The following DRD3 variants were observed in gnomAD, a reference collection of about 807,000 sequenced individuals.
DRD3 encodes the protein D(3) dopamine receptor.
Under a neutral mutation model 36.3 loss-of-function variants are expected in DRD3, and 19 were observed. The observed-to-expected ratio is 0.52, with a 90% confidence interval of 0.36 to 0.77. The LOEUF is 0.77. Among genes scored for constraint, DRD3 ranks in the 30% least tolerant of loss-of-function variants. The pLI, the probability that DRD3 is intolerant of heterozygous loss-of-function variation, is 0.00. For missense variants in DRD3, 465 were observed against 505.3 expected, an observed-to-expected ratio of 0.92 and a Z score of 0.77; for synonymous variants, 195 against 203.7, an observed-to-expected ratio of 0.96 and a Z score of 0.36.
chr3:114,136,933 T>C (rs1281617994), intron 5 of DRD3, among the ~76,000 whole-genome samples: 2 of 152,210 alleles, frequency 1.3e-5, no homozygotes, highest in Non-Finnish European at 2.9e-5. Context: ...GCTCTGTCCA[T>C]GTGTGTTCCC....
At chr3:114,148,790 G>T (rs926332469) in intron 3 of DRD3, among the ~76,000 whole-genome samples, 8 of 152,120 alleles carry the variant, frequency 5.3e-5, no homozygotes, top group African/African-American at 1.7e-4. Flanking sequence ...TCAACTCACT[G>T]CAACCTCTGT....
chr3:114,131,106 AC>A lies in DRD3; in HGVS notation c.1006+11del. On this transcript the variant is annotated intron_variant, in intron 6 of 6. Coordinates refer to ENST00000383673, the MANE Select transcript of DRD3 (RefSeq NM_000796.6). ...ACCCAACCCAACACAGCTCAAGCCA[AC>A]CCAAACTTACCAAGCACAATGGCCA... 6.2e-7 allele frequency: 1 copy of A among 1,611,348 alleles called. No individual in the cohort carries two copies. The highest frequency in any genetic ancestry group is 1.7e-4 in the Middle Eastern group (1 of 5,994).
chr3:114,156,912 TTTCCTTCC>T (rs200935636), intron 3 of DRD3, among the ~76,000 whole-genome samples: 3 of 147,826 alleles, frequency 2.0e-5, no homozygotes, highest in Admixed American at 1.3e-4. Context: ...TCCTTCCTTC[TTTCCTTCC>T]TTCCTTCCTT....
Position 114,171,966 on chromosome 3 carries a change from G to A in DRD3, c.27C>T (p.Gly9=), listed in dbSNP as rs147452721. The change falls in exon 2 of 7, where the codon GGC becomes GGT. Residue 9 remains glycine (G), a synonymous_variant. Transcript: ENST00000383673. Reference sequence around the variant, plus strand: ...CTGCCCCACAGGTGTAGTTCAGGTGGCCACTCAGCTGGCTCAGAGATGCCA... The same window carrying A: ...CTGCCCCACAGGTGTAGTTCAGGTGACCACTCAGCTGGCTCAGAGATGCCA... MASLSQLS[G]HLNYTCGAEN... is the part of the protein sequence containing the mutation. 1.3e-6 allele frequency: 2 copies of A among 1,525,886 alleles called. No individual in the cohort carries two copies. The highest frequency in any genetic ancestry group is 2.0e-5 in the Admixed American group (1 of 49,316). The allele number at this position is 1,525,886 out of a possible 1,614,324, so 94.5% of individuals were successfully genotyped here. A position where few individuals can be genotyped will look rare whatever the true frequency, so the allele number is the denominator to read the frequency against.
In DRD3 at chr3:114,147,763, T is replaced by A. The variant is rs572455957; in HGVS notation, c.384-206A>T. The stretch of plus-strand genomic sequence containing the variant: ...GCTTCCTGAGTATCTAGGATATGCC[T>A]GTGCCGCCACCACGCCTGCCTAATT... On this transcript the variant is annotated intron_variant, in intron 3 of 6. Transcript: ENST00000383673. Among the ~76,000 whole-genome samples the A allele has an allele frequency of 3.3e-5, 5 of 152,234 alleles. No individual in the cohort carries two copies. The East Asian group carries it at 9.6e-4, about 29-fold the overall frequency.
chr3:114,156,197 A>T (rs1235896025), intron 3 of DRD3, among the ~76,000 whole-genome samples: 2 of 152,168 alleles, frequency 1.3e-5, no homozygotes, highest in African/African-American at 4.8e-5. Flanking sequence ...TTTGACTCCA[A>T]GTTAGTAATC....
chr3:114,139,608 G>A lies in DRD3; in HGVS notation c.615C>T (p.Val205=), dbSNP rs754091902. The stretch of plus-strand genomic sequence containing the variant: ...CCACATAGATTCTGGCATAGACAAG[G>A]ACAGTCACTCCAAAGGGCAGGTAGA... The part of the protein sequence containing the change: ...VSFYLPFGVT[V]LVYARIYVVL... Residue 205 remains valine, a synonymous_variant, in exon 5 of 7, where the codon GTC becomes GTT. Transcript: ENST00000383673. 1 of 1,614,152 alleles carries A rather than the reference G, an allele frequency of 6.2e-7. No homozygotes were observed. Among genetic ancestry groups the A allele is most frequent in the Admixed American group, 1.7e-5 (1 of 60,020 alleles).
intron 1 of DRD3, among the ~76,000 whole-genome samples, chr3:114,189,765 G>C (rs950733368): frequency 6.6e-6 from 1 of 152,168 alleles, no homozygotes; most frequent in African/African-American, 2.4e-5. Flanking sequence ...TTGCCCCGAA[G>C]GGCTTTGAGT....
intron 5 of DRD3, among the ~76,000 whole-genome samples, chr3:114,139,284 T>C (rs1242390760): frequency 6.6e-6 from 1 of 152,222 alleles, no homozygotes; most frequent in African/African-American, 2.4e-5. Flanking sequence ...TCCAATCACT[T>C]TGCCAGGTAA....
At chr3:114,158,846 C>T (rs943526282) in intron 3 of DRD3, among the ~76,000 whole-genome samples, 11 of 151,946 alleles carry the variant, frequency 7.2e-5, no homozygotes, top group African/African-American at 1.5e-4. Flanking sequence ...GGAGAAGAAG[C>T]GGAATGGAAA....
chr3:114,167,967 G>A (rs1430083224), intron 2 of DRD3, among the ~76,000 whole-genome samples: 2 of 152,144 alleles, frequency 1.3e-5, no homozygotes, highest in Non-Finnish European at 2.9e-5. Context: ...TCAGTATATG[G>A]AAAAAGGCAG....
At chr3:114,169,397 C>T (rs927812996) in intron 2 of DRD3, among the ~76,000 whole-genome samples, 10 of 149,688 alleles carry the variant, frequency 6.7e-5, no homozygotes, top group Non-Finnish European at 1.5e-4. Flanking sequence ...AAAAAGAGGT[C>T]CTAAAGCCAG....
chr3:114,145,681 A>G (rs936917674), intron 4 of DRD3, among the ~76,000 whole-genome samples: 1 of 152,228 alleles, frequency 6.6e-6, no homozygotes, highest in Admixed American at 6.5e-5. Flanking sequence ...TCAATAAATA[A>G]AGTGAAAATT....
At chr3:114,162,453 C>G (rs1182864604) in intron 2 of DRD3, among the ~76,000 whole-genome samples, 1 of 152,152 alleles carries the variant, frequency 6.6e-6, no homozygotes, top group Non-Finnish European at 1.5e-5. Context: ...TGCTGCACCC[C>G]CAGCTCCCAG....
At chr3:114,192,036 T>C (rs1177822417) in intron 1 of DRD3, among the ~76,000 whole-genome samples, 2 of 152,094 alleles carry the variant, frequency 1.3e-5, no homozygotes, top group Non-Finnish European at 2.9e-5. Context: ...GGAAGCTTTA[T>C]AATGGAAAAA....
chr3:114,142,951 G>T (rs2077539243), intron 4 of DRD3, among the ~76,000 whole-genome samples: 1 of 152,190 alleles, frequency 6.6e-6, no homozygotes, highest in African/African-American at 2.4e-5. Context: ...AATGAGTAGG[G>T]CCTGCCCCAG....
At chr3:114,139,963 T>C (rs1405147960) in intron 4 of DRD3, among the ~76,000 whole-genome samples, 2 of 152,206 alleles carry the variant, frequency 1.3e-5, no homozygotes, top group African/African-American at 2.4e-5. Context: ...TGAGACACCA[T>C]GTCTTCTCTC....
At chr3:114,130,690 T>C (rs2077421840) in intron 6 of DRD3, among the ~76,000 whole-genome samples, 1 of 152,174 alleles carries the variant, frequency 6.6e-6, no homozygotes, top group Non-Finnish European at 1.5e-5. Context: ...CCCAAAGTGC[T>C]GGAATTACAG....
rs535063947 is a variant in DRD3, at chr3:114,152,845, G to A, written c.384-5288C>T. On this transcript the variant is annotated intron_variant, in intron 3 of 6. Transcript: ENST00000383673. ...GAGGGCCGCGCCAAAGCACCCGGAG[G>A]GCTGGGCTGGGCTTGGCCGGGAGAG... Among the ~76,000 whole-genome samples, 24 of 152,392 alleles carry A rather than the reference G, an allele frequency of 1.6e-4. No homozygotes were observed. The South Asian group carries it at 4.8e-3, about 30-fold the overall frequency.
Sources: gnomAD v4.1 joint callset for allele counts (sites outside exome capture counted in the v4.1 genomes callset) on GRCh38, gnomAD v4.1.1 for gene constraint, MANE v1.5 for transcripts, NCBI Gene and HGNC (gene_info 2026-07-23, HGNC 2026-07-21) for gene names.